PAPSS2: variants seen among roughly 807,000 people sequenced by gnomAD.
PAPSS2 encodes the protein 3'-phosphoadenosine 5'-phosphosulfate synthase 2.
Under a neutral mutation model 66.5 loss-of-function variants are expected in PAPSS2, and 61 were observed. The ratio of observed to expected loss-of-function variants is 0.92; its 90% confidence interval spans 0.75 to 1.14. The LOEUF (loss-of-function observed/expected upper bound fraction) is 1.14, where lower values mean the gene tolerates loss of function less well. PAPSS2 is among the 50% of genes most tolerant of loss of function. The pLI is 0.00. For missense variants in PAPSS2, 708 were observed against 789.6 expected (o/e 0.90, Z 1.24); for synonymous variants, 289 against 287.5 (o/e 1.01, Z -0.05).
At chr10:87,726,650 G>A (rs1853662761) in intron 8 of PAPSS2, among the ~76,000 whole-genome samples, 1 of 151,926 alleles carries the variant, frequency 6.6e-6, no homozygotes, top group African/African-American at 2.4e-5. Flanking sequence ...TAAAGAAAAA[G>A]GTGAATGAGG....
At chr10:87,733,586 A>G (rs1853757095) in intron 9 of PAPSS2, among the ~76,000 whole-genome samples, 1 of 152,148 alleles carries the variant, frequency 6.6e-6, no homozygotes, top group Admixed American at 6.5e-5. Flanking sequence ...ATGGTTAGTT[A>G]TATCAACAGA....
chr10:87,721,808 A>G (rs1333437656), intron 8 of PAPSS2, 38 bp downstream of exon 8: 2 of 1,176,560 alleles, frequency 1.7e-6, no homozygotes, highest in Non-Finnish European at 2.4e-6. Context: ...AAATTATTAT[A>G]ATTATATATG....
At chr10:87,728,468 G>A (rs547721513) in intron 9 of PAPSS2, among the ~76,000 whole-genome samples, 4 of 152,248 alleles carry the variant, frequency 2.6e-5, no homozygotes, top group Non-Finnish European at 4.4e-5. Flanking sequence ...GGCTGGGCGC[G>A]GTGGCTCACG....
chr10:87,689,773 TA>T (rs139371349), intron 1 of PAPSS2, among the ~76,000 whole-genome samples: 23,591 of 148,176 alleles, frequency 0.16, 1,869 homozygotes, highest in East Asian at 0.22. Flanking sequence ...GAACAAGGGG[TA>T]AAGAGTATGA....
chr10:87,668,184 C>T (rs571943377), intron 1 of PAPSS2, among the ~76,000 whole-genome samples: 13 of 152,336 alleles, frequency 8.5e-5, no homozygotes, highest in African/African-American at 3.1e-4. Flanking sequence ...ATTTTATTTT[C>T]ATACATTTGC....
chr10:87,730,804 A>G (rs571058928), intron 9 of PAPSS2, among the ~76,000 whole-genome samples: 71 of 152,290 alleles, frequency 4.7e-4, no homozygotes, highest in African/African-American at 1.6e-3. Flanking sequence ...CTTCAATTCT[A>G]TGAAGGTTGA....
Position 87,745,254 on chromosome 10 carries a change from T to C in PAPSS2, c.1721+23T>C, listed in dbSNP as rs767276941. 8.3e-6 allele frequency: 13 copies of C among 1,556,988 alleles called. No homozygotes were observed. In the African/African-American group the frequency reaches 1.8e-4, roughly 21 times the overall value. On this transcript the variant is annotated intron_variant, in intron 12 of 12. Transcript: ENST00000456849. ...AAGGTAGGTTTTCAGAGGAAAATTC[T>C]TTTATCAACATCTGTATAAAAGAAA... is the stretch of plus-strand genomic sequence containing the variant.
At chr10:87,698,367 T>C (rs978756603) in intron 1 of PAPSS2, among the ~76,000 whole-genome samples, 2 of 152,200 alleles carry the variant, frequency 1.3e-5, no homozygotes, top group Admixed American at 6.5e-5. Flanking sequence ...TGATCACAAT[T>C]TTAATTCATA....
At chr10:87,715,631 C>G in intron 6 of PAPSS2, 101 bp from the exon 7 acceptor site, 1 of 745,470 alleles carries the variant, frequency 1.3e-6, no homozygotes, top group South Asian at 1.5e-5. Flanking sequence ...AAGGTTCTGC[C>G]CTCATCCTCC....
Position 87,659,897 on chromosome 10 carries a change from G to GCTGCTT in PAPSS2, c.-80_-79insTCTGCT. Reference sequence around the variant, plus strand: ...TCCGGCAGCCGCTGCTGCTGCTGCTGCTGCTGCTGCCGCCGCCGCCGCCGC... The same window carrying GCTGCTT: ...TCCGGCAGCCGCTGCTGCTGCTGCTGCTGCTTCTGCTGCTGCCGCCGCCGCCGCCGC... On this transcript the variant is annotated 5_prime_UTR_variant, in exon 1 of 13. Transcript: ENST00000456849. 7.2e-7 allele frequency: 1 copy of GCTGCTT among 1,396,494 alleles called. No homozygotes were observed. Among genetic ancestry groups the GCTGCTT allele is most frequent in the Non-Finnish European group, 1.0e-6 (1 of 988,840 alleles). The allele number at this position is 1,396,494 out of a possible 1,614,324, so 86.5% of individuals were successfully genotyped here.
At chr10:87,713,568 C>G (rs1224837315) in intron 3 of PAPSS2, among the ~76,000 whole-genome samples, 2 of 152,132 alleles carry the variant, frequency 1.3e-5, no homozygotes, top group Non-Finnish European at 2.9e-5. Context: ...TTATAAGGAA[C>G]ATTTGGTGAG....
chr10:87,697,701 C>G (rs1233949771), intron 1 of PAPSS2, among the ~76,000 whole-genome samples: 1 of 152,160 alleles, frequency 6.6e-6, no homozygotes, highest in Non-Finnish European at 1.5e-5. Flanking sequence ...AAGATGCAGC[C>G]AAAGCTCTCC....
intron 9 of PAPSS2, among the ~76,000 whole-genome samples, chr10:87,732,339 T>C (rs1037065028): frequency 2.0e-5 from 3 of 152,030 alleles, no homozygotes; most frequent in African/African-American, 7.2e-5. Context: ...CTTGGCAACA[T>C]GGCGAAACCC....
chr10:87,676,216 G>A (rs997058964), intron 1 of PAPSS2, among the ~76,000 whole-genome samples: 1 of 151,932 alleles, frequency 6.6e-6, no homozygotes, highest in African/African-American at 2.4e-5. Context: ...TTTATCTTTG[G>A]AAATTTGCCC....
At chr10:87,745,367 C>T (rs1014073469) in intron 12 of PAPSS2, 136 bp downstream of exon 12, 34 of 715,062 alleles carry the variant, frequency 4.8e-5, no homozygotes, top group East Asian at 1.3e-4. Context: ...AGAGTCAAGA[C>T]GTGGTCTTAT....
At chr10:87,724,101 A>G (rs1052909698) in intron 8 of PAPSS2, among the ~76,000 whole-genome samples, 4 of 152,184 alleles carry the variant, frequency 2.6e-5, no homozygotes, top group African/African-American at 9.7e-5. Flanking sequence ...TGAGGGCATC[A>G]TTGTAGGAGG....
intron 1 of PAPSS2, among the ~76,000 whole-genome samples, chr10:87,701,388 CTT>C (rs561710925): frequency 3.7e-3 from 302 of 81,608 alleles, no homozygotes; most frequent in Non-Finnish European, 4.6e-3. Context: ...TTCTTTCTTT[CTT>C]TCTTTCTCTT....
At chr10:87,729,944 C>T (rs7073724) in intron 9 of PAPSS2, among the ~76,000 whole-genome samples, 79,226 of 151,416 alleles carry the variant, frequency 0.52, 21,978 homozygotes, top group East Asian at 0.74. Flanking sequence ...TGCACTGAGC[C>T]GAGGTAGCGC....
chr10:87,741,636 C>A (rs1429164111), intron 10 of PAPSS2, among the ~76,000 whole-genome samples: 3 of 152,194 alleles, frequency 2.0e-5, no homozygotes, highest in Non-Finnish European at 4.4e-5. Flanking sequence ...CTCAGGTGAT[C>A]CCCCTACCTT....
Sources: gnomAD v4.1 joint callset for allele counts (sites outside exome capture counted in the v4.1 genomes callset) on GRCh38, gnomAD v4.1.1 for gene constraint, MANE v1.5 for transcripts, NCBI Gene and HGNC (gene_info 2026-07-23, HGNC 2026-07-21) for gene names.